Variants in NEK7 observed in about 807,000 individuals in gnomAD.
NEK7 encodes NIMA related kinase 7.
A neutral mutation model predicts 44.6 loss-of-function variants in NEK7; 18 were observed. The observed-to-expected ratio is 0.40, with a 90% confidence interval of 0.28 to 0.60. NEK7 has a LOEUF of 0.60. Ranked by LOEUF, NEK7 falls within the 20% of genes least tolerant of loss-of-function variation. The pLI is 0.38. For synonymous variants in NEK7, 130 were observed against 121.1 expected, an observed-to-expected ratio of 1.07 and a Z score of -0.48; for missense variants, 256 against 366.5, an observed-to-expected ratio of 0.70 and a Z score of 2.46.
intron 1 of NEK7, among the ~76,000 whole-genome samples, chr1:198,162,758 A>G (rs988060418): frequency 1.1e-4 from 17 of 151,788 alleles, no homozygotes; most frequent in Admixed American, 8.5e-4. Flanking sequence ...TGTGATTTCC[A>G]TATTCAAAAT....
At chr1:198,160,710 A>C (rs546269297) in intron 1 of NEK7, among the ~76,000 whole-genome samples, 3 of 152,202 alleles carry the variant, frequency 2.0e-5, no homozygotes, top group Non-Finnish European at 2.9e-5. Flanking sequence ...TTTGTAGGGA[A>C]TATGGATGAA....
intron 8 of NEK7, 45 bp from the exon 9 acceptor site, chr1:198,297,082 A>T: frequency 1.6e-6 from 2 of 1,234,632 alleles, no homozygotes; most frequent in South Asian, 1.2e-5. Context: ...ATCACCTTTT[A>T]AGTTACCATC....
intron 7 of NEK7, among the ~76,000 whole-genome samples, chr1:198,288,939 C>G (rs1017242023): frequency 2.0e-5 from 3 of 152,116 alleles, no homozygotes; most frequent in Admixed American, 2.0e-4. Context: ...TCAAAGATGA[C>G]AAATTTTATT....
rs181641872 is a variant in NEK7, at chr1:198,320,434, A to G, written c.*912A>G. 1.8e-4 allele frequency: 28 copies of G among 152,244 alleles called. No homozygotes were observed. Among genetic ancestry groups the G allele is most frequent in the Admixed American group, 7.9e-4 (12 of 15,284 alleles). 9.4% of individuals were successfully genotyped at this position (152,244 alleles called of 1,614,324 possible). A position where few individuals can be genotyped will look rare whatever the true frequency, so the allele number is the denominator to read the frequency against. ...ATAATATAAGCCTAAGTTTTTATTC[A>G]TAAGTTTTATTGAAGTTCTGATCGG... On this transcript the variant is annotated 3_prime_UTR_variant, in exon 10 of 10. Transcript: ENST00000367385.
intron 7 of NEK7, among the ~76,000 whole-genome samples, chr1:198,288,128 T>G (rs565490225): frequency 9.2e-5 from 14 of 152,350 alleles, no homozygotes; most frequent in Admixed American, 8.5e-4. Flanking sequence ...TCCTAGCACC[T>G]CTAGATAGAT....
At chr1:198,192,537 A>T (rs537417575) in intron 1 of NEK7, among the ~76,000 whole-genome samples, 5 of 152,178 alleles carry the variant, frequency 3.3e-5, no homozygotes, top group Admixed American at 3.3e-4. Context: ...TGAAGTGGAA[A>T]TAGTTGGAGG....
chr1:198,184,778 C>A (rs1664868958), intron 1 of NEK7, among the ~76,000 whole-genome samples: 1 of 152,136 alleles, frequency 6.6e-6, no homozygotes, highest in Non-Finnish European at 1.5e-5. Context: ...AAGTGGTCCT[C>A]TTGCTTCGGC....
intron 1 of NEK7, among the ~76,000 whole-genome samples, chr1:198,168,807 A>G (rs549264108): frequency 6.6e-6 from 1 of 152,330 alleles, no homozygotes; most frequent in Non-Finnish European, 1.5e-5. Context: ...ATTACAATTA[A>G]AAAAGGGACC....
chr1:198,235,276 C>T (rs542932698), intron 2 of NEK7, among the ~76,000 whole-genome samples: 19 of 152,224 alleles, frequency 1.2e-4, no homozygotes, highest in Non-Finnish European at 2.1e-4. Flanking sequence ...ATTTTTGGTA[C>T]AGTGTAAGTT....
intron 1 of NEK7, among the ~76,000 whole-genome samples, chr1:198,164,947 A>G (rs945850806): frequency 1.3e-5 from 2 of 152,212 alleles, no homozygotes; most frequent in Admixed American, 6.5e-5. Context: ...GGAATATTCT[A>G]AATCCTATGT....
chr1:198,175,810 C>CT lies in NEK7; in HGVS notation c.-29+18535dup, dbSNP rs143206023. On this transcript the variant is annotated intron_variant, in intron 1 of 9. Coordinates refer to ENST00000367385, the MANE Select transcript of NEK7 (RefSeq NM_133494.3). Reference sequence around the variant, plus strand: ...TGTCTTTCACATGCTTGTAGGGAAACTCTTCGGTAAAGATAAGCAGAAGAA... The same window carrying CT: ...TGTCTTTCACATGCTTGTAGGGAAACTTCTTCGGTAAAGATAAGCAGAAGAA... Among the ~76,000 whole-genome samples the CT allele has an allele frequency of 9.5e-3, 1,447 of 152,286 alleles. 21 individuals carry two copies. The highest frequency in any genetic ancestry group is 0.033 in the African/African-American group (1,357 of 41,560).
intron 1 of NEK7, among the ~76,000 whole-genome samples, chr1:198,204,231 G>A (rs1309257834): frequency 6.6e-6 from 1 of 152,088 alleles, no homozygotes; most frequent in Non-Finnish European, 1.5e-5. Context: ...CTGCACTCCA[G>A]CCCGTGTGAC....
intron 5 of NEK7, among the ~76,000 whole-genome samples, chr1:198,267,315 T>C (rs563830180): frequency 1.3e-5 from 2 of 152,178 alleles, no homozygotes; most frequent in African/African-American, 4.8e-5. Context: ...AAGAAACTTA[T>C]TTTCCAGTGG....
intron 1 of NEK7, among the ~76,000 whole-genome samples, chr1:198,225,122 C>T (rs956862354): frequency 2.0e-5 from 3 of 151,940 alleles, no homozygotes. Flanking sequence ...GTGGGAGGAT[C>T]ACTTGAGCCT....
chr1:198,319,416 G>T lies in NEK7; in HGVS notation c.803G>T (p.Arg268Leu). 2 of 1,607,740 alleles carry T rather than the reference G, an allele frequency of 1.2e-6. No homozygotes were observed. The highest frequency in any genetic ancestry group is 1.1e-5 in the South Asian group (1 of 90,174). ...ATTGTTTTTCTTTCTTCACAGCTCC[G>T]ACAGTTAGTTAATATGTGCATCAAC... ...LPSDHYSEELRQLVNMCINPD... is the reference protein window; with the variant it reads ...LPSDHYSEELLQLVNMCINPD... The change falls in exon 10 of 10, where the codon CGA (arginine) becomes CTA (leucine). Residue 268 changes from arginine (R) to leucine (L), a missense_variant. Coordinates refer to ENST00000367385, the MANE Select transcript of NEK7 (RefSeq NM_133494.3).
intron 4 of NEK7, among the ~76,000 whole-genome samples, chr1:198,263,228 C>T (rs138353884): frequency 0.012 from 1,846 of 151,944 alleles, 12 homozygotes; most frequent in South Asian, 0.02. Flanking sequence ...GTTAAGACTT[C>T]GCTCTTTTTT....
At chr1:198,196,967 T>TG (rs1665256605) in intron 1 of NEK7, among the ~76,000 whole-genome samples, 1 of 152,136 alleles carries the variant, frequency 6.6e-6, no homozygotes, top group African/African-American at 2.4e-5. Context: ...ATAGAACCAC[T>TG]GGGGGTGGGA....
At chr1:198,312,194 C>A (rs1655208975) in intron 9 of NEK7, among the ~76,000 whole-genome samples, 2 of 152,004 alleles carry the variant, frequency 1.3e-5, no homozygotes, top group African/African-American at 4.8e-5. Flanking sequence ...GGAATTTATC[C>A]ATTTCTTCTA....
chr1:198,176,209 C>T (rs1397287621), intron 1 of NEK7, among the ~76,000 whole-genome samples: 1 of 152,170 alleles, frequency 6.6e-6, no homozygotes. Flanking sequence ...CAAATAGATT[C>T]AGCCCTTGAG....
Sources: gnomAD v4.1 joint callset for allele counts (sites outside exome capture counted in the v4.1 genomes callset) on GRCh38, gnomAD v4.1.1 for gene constraint, MANE v1.5 for transcripts, NCBI Gene and HGNC (gene_info 2026-07-23, HGNC 2026-07-21) for gene names.